The following RIMS2 variants were observed in gnomAD, a reference collection of about 807,000 sequenced individuals.
RIMS2 encodes regulating synaptic membrane exocytosis protein 2.
In RIMS2, 59 loss-of-function variants were observed where a neutral mutation model predicts 174.4. The ratio of observed to expected loss-of-function variants is 0.34; its 90% confidence interval spans 0.27 to 0.42. The LOEUF (loss-of-function observed/expected upper bound fraction) is 0.42, where lower values mean the gene tolerates loss of function less well. Among genes scored for constraint, RIMS2 ranks in the 10% least tolerant of loss-of-function variants. The pLI is 1.00. For missense variants in RIMS2, 1,620 were observed against 1,666.3 expected (o/e 0.97, Z 0.48); for synonymous variants, 606 against 572.5 (o/e 1.06, Z -0.84).
chr8:104,236,482 G>T (rs1022358846), intron 19 of RIMS2, among the ~76,000 whole-genome samples: 3 of 151,986 alleles, frequency 2.0e-5, no homozygotes, highest in African/African-American at 7.2e-5. Flanking sequence ...CTTAAAATGT[G>T]TATTAAGTCT....
chr8:103,688,438 A>G (rs973612609), intron 1 of RIMS2, among the ~76,000 whole-genome samples: 1 of 152,122 alleles, frequency 6.6e-6, no homozygotes, highest in Non-Finnish European at 1.5e-5. Context: ...ATTCTGAACT[A>G]TCAAGGAATC....
chr8:103,739,574 T>C (rs2097734186), intron 2 of RIMS2, among the ~76,000 whole-genome samples: 2 of 152,180 alleles, frequency 1.3e-5, no homozygotes, highest in Non-Finnish European at 2.9e-5. Flanking sequence ...TTTTAAAAAT[T>C]GTGTCAGGCA....
At chr8:104,255,327 G>A (rs181748833), downstream of RIMS2, 2 of 150,616 alleles carry the variant, frequency 1.3e-5, no homozygotes, top group African/African-American at 2.5e-5. Context: ...CCCTACTCTA[G>A]TGAATTGTTT....
chr8:103,568,761 G>GA, intron 1 of RIMS2: 1 of 1,093,074 alleles, frequency 9.1e-7, no homozygotes, highest in Non-Finnish European at 1.4e-6. Flanking sequence ...ACTGGGTAAG[G>GA]AATCTATCAA....
At chr8:104,019,742 T>C (rs1565881905) in intron 19 of RIMS2, among the ~76,000 whole-genome samples, 1 of 152,172 alleles carries the variant, frequency 6.6e-6, no homozygotes, top group African/African-American at 2.4e-5. Flanking sequence ...AGGAATTGCA[T>C]TTTTATGGAA....
chr8:103,664,512 C>G (rs1415513697), intron 1 of RIMS2, among the ~76,000 whole-genome samples: 1 of 151,850 alleles, frequency 6.6e-6, no homozygotes, highest in African/African-American at 2.4e-5. Context: ...ATCTGGCCAA[C>G]AAACATGAAA....
At chr8:103,667,788 G>C (rs1037563568) in intron 1 of RIMS2, among the ~76,000 whole-genome samples, 2 of 152,146 alleles carry the variant, frequency 1.3e-5, no homozygotes, top group Non-Finnish European at 2.9e-5. Flanking sequence ...TGCTTCTAGG[G>C]AGAAACTTCT....
intron 22 of RIMS2, among the ~76,000 whole-genome samples, chr8:104,249,799 A>G (rs1229662743): frequency 1.3e-5 from 2 of 152,328 alleles, no homozygotes; most frequent in African/African-American, 4.8e-5. Context: ...AAGTTGTTAA[A>G]TAAGTACATA....
chr8:103,975,911 A>G (rs538219471), intron 16 of RIMS2: 2 of 154,706 alleles, frequency 1.3e-5, no homozygotes, highest in Admixed American at 1.3e-4. Flanking sequence ...AAAACTTAGC[A>G]AGCAAGGTTA....
chr8:104,180,901 A>G (rs2098935972), intron 19 of RIMS2, among the ~76,000 whole-genome samples: 1 of 151,742 alleles, frequency 6.6e-6, no homozygotes. Flanking sequence ...CTTCTCATTT[A>G]AATGTGCTAC....
At chr8:103,797,058 A>T (rs1028554518) in intron 3 of RIMS2, among the ~76,000 whole-genome samples, 2 of 152,186 alleles carry the variant, frequency 1.3e-5, no homozygotes, top group African/African-American at 2.4e-5. Flanking sequence ...GTTAAGACTT[A>T]AAGGAAGTGA....
chr8:103,740,068 G>A (rs1231471967), intron 2 of RIMS2, among the ~76,000 whole-genome samples: 1 of 152,082 alleles, frequency 6.6e-6, no homozygotes, highest in South Asian at 2.1e-4. Context: ...TAGAGTGGAC[G>A]GGAAATGATT....
At chr8:104,216,513 G>C (rs2099130435) in intron 19 of RIMS2, among the ~76,000 whole-genome samples, 1 of 152,198 alleles carries the variant, frequency 6.6e-6, no homozygotes, top group Non-Finnish European at 1.5e-5. Flanking sequence ...AAATTTATTT[G>C]TAACACTGTG....
chr8:103,505,244 C>T (rs1249085344), intron 1 of RIMS2, among the ~76,000 whole-genome samples: 1 of 152,012 alleles, frequency 6.6e-6, no homozygotes, highest in Non-Finnish European at 1.5e-5. Flanking sequence ...ACAGTCTATG[C>T]ATAAGAATAA....
rs568595218 is a variant in RIMS2 at position 103,786,485 on chromosome 8, G to A, written c.698+19948G>A. ...GGTATGTTGTGTCTTTGTTCTCGTT[G>A]GTTTCAAAGAACATCTTTATTTCTG... On this transcript the variant is annotated intron_variant, in intron 3 of 23. Coordinates refer to ENST00000504942, the Ensembl canonical transcript of RIMS2. Among the ~76,000 whole-genome samples the A allele has an allele frequency of 1.8e-3, 277 of 151,828 alleles. 1 individual carries two copies. Among genetic ancestry groups the A allele is most frequent in the Non-Finnish European group, 3.3e-3 (221 of 67,930 alleles).
intron 3 of RIMS2, among the ~76,000 whole-genome samples, chr8:103,807,183 A>G (rs1338317458): frequency 1.3e-5 from 2 of 151,936 alleles, no homozygotes; most frequent in African/African-American, 2.4e-5. Context: ...TTAAAGATCT[A>G]AGAGAGGAAT....
chr8:103,920,186 T>C (rs1268338740), intron 9 of RIMS2, among the ~76,000 whole-genome samples: 1 of 152,160 alleles, frequency 6.6e-6, no homozygotes, highest in Non-Finnish European at 1.5e-5. Context: ...TGAGTTTTTT[T>C]CCAAGCCCCT....
intron 2 of RIMS2, among the ~76,000 whole-genome samples, chr8:103,724,575 C>A (rs779509805): frequency 4.6e-5 from 7 of 151,908 alleles, no homozygotes; most frequent in Admixed American, 4.6e-4. Context: ...AAAATAAATT[C>A]TCCAATATTT....
chr8:103,621,048 A>T (rs1376801253), intron 1 of RIMS2, among the ~76,000 whole-genome samples: 1 of 152,256 alleles, frequency 6.6e-6, no homozygotes. Flanking sequence ...TGAAAAACAT[A>T]GCCAAATAAA....
Sources: gnomAD v4.1 joint callset for allele counts (sites outside exome capture counted in the v4.1 genomes callset) on GRCh38, gnomAD v4.1.1 for gene constraint, MANE v1.5 for transcripts, NCBI Gene and HGNC (gene_info 2026-07-23, HGNC 2026-07-21) for gene names.